The following SPAST variants were observed in gnomAD, a reference collection of about 807,000 sequenced individuals.
SPAST encodes spastic paraplegia 4 (autosomal dominant; spastin).
SPAST carries 30 observed loss-of-function variants against 76.6 expected under a neutral mutation model. That is an observed-to-expected ratio of 0.39 (90% CI 0.29 to 0.53). The LOEUF is 0.53. Ranked by LOEUF, SPAST falls within the 20% of genes least tolerant of loss-of-function variation. SPAST has a pLI of 0.68. For missense variants in SPAST, 717 were observed against 770.5 expected, an observed-to-expected ratio of 0.93 and a Z score of 0.82; for synonymous variants, 305 against 281.0, an observed-to-expected ratio of 1.09 and a Z score of -0.86.
chr2:32,077,751 A>C (rs1470872360), intron 1 of SPAST: 1 of 152,222 alleles, frequency 6.6e-6, no homozygotes. Flanking sequence ...TACAGTAGAT[A>C]ATTTGCAAGT....
intron 4 of SPAST, among the ~76,000 whole-genome samples, chr2:32,112,595 C>G (rs1314325223): frequency 6.6e-6 from 1 of 152,096 alleles, no homozygotes; most frequent in Non-Finnish European, 1.5e-5. Context: ...ATCCGCCCAC[C>G]TTGGCCTCCG....
At chr2:32,102,951 G>T (rs1354803429) in intron 4 of SPAST, among the ~76,000 whole-genome samples, 1 of 152,162 alleles carries the variant, frequency 6.6e-6, no homozygotes, top group Non-Finnish European at 1.5e-5. Flanking sequence ...TCTCTGCCAG[G>T]CTTTGGTATC....
intron 4 of SPAST, among the ~76,000 whole-genome samples, chr2:32,106,434 C>T (rs900671998): frequency 4.6e-5 from 7 of 152,208 alleles, no homozygotes; most frequent in African/African-American, 1.4e-4. Flanking sequence ...CCCCGCCCTT[C>T]AGCTCACACT....
chr2:32,132,872 A>G (rs1408004506), intron 9 of SPAST, among the ~76,000 whole-genome samples: 1 of 152,056 alleles, frequency 6.6e-6, no homozygotes, highest in Admixed American at 6.6e-5. Context: ...ACTAAATACT[A>G]AATCTCTACT....
At chr2:32,095,594 G>C (rs900989813) in intron 3 of SPAST, among the ~76,000 whole-genome samples, 1 of 151,522 alleles carries the variant, frequency 6.6e-6, no homozygotes, top group Non-Finnish European at 1.5e-5. Context: ...AAATAGCCAG[G>C]AGTGGTGATG....
In SPAST at chr2:32,097,394, G is replaced by A. The variant is rs1484714424; in HGVS notation, c.587-1402G>A. On this transcript the variant is annotated intron_variant, in intron 3 of 16. Transcript: ENST00000315285. Reference sequence around the variant, plus strand: ...GTGAAAAGCATCCATCCCATTCTATGCCCTGGCTACCCATTTCCCCTCCCT... The same window carrying A: ...GTGAAAAGCATCCATCCCATTCTATACCCTGGCTACCCATTTCCCCTCCCT... Among the ~76,000 whole-genome samples, 7 of 152,234 alleles carry A rather than the reference G, an allele frequency of 4.6e-5. No individual in the cohort carries two copies. In the East Asian group the frequency reaches 1.4e-3, roughly 29 times the overall value.
chr2:32,091,482 G>A (rs1677714933), intron 3 of SPAST, among the ~76,000 whole-genome samples: 1 of 148,460 alleles, frequency 6.7e-6, no homozygotes, highest in South Asian at 2.3e-4. Flanking sequence ...TCACCATGTT[G>A]GCCAGGCTGG....
chr2:32,134,276 G>T (rs1679463073), intron 9 of SPAST, among the ~76,000 whole-genome samples: 2 of 152,086 alleles, frequency 1.3e-5, no homozygotes, highest in African/African-American at 4.8e-5. Flanking sequence ...GCCGAGGCAG[G>T]CGAATCACAA....
intron 4 of SPAST, among the ~76,000 whole-genome samples, chr2:32,110,708 G>A (rs899342604): frequency 7.7e-6 from 1 of 130,014 alleles, no homozygotes; most frequent in Admixed American, 8.0e-5. Flanking sequence ...AGTGTACATA[G>A]TATACTATAT....
At chr2:32,079,343 C>A (rs1444563858) in intron 1 of SPAST, among the ~76,000 whole-genome samples, 1 of 151,506 alleles carries the variant, frequency 6.6e-6, no homozygotes, top group Admixed American at 6.6e-5. Context: ...TAGTGAGAGA[C>A]CCTGTCTTTA....
intron 1 of SPAST, among the ~76,000 whole-genome samples, chr2:32,078,673 A>C (rs1276531089): frequency 6.6e-6 from 1 of 152,196 alleles, no homozygotes; most frequent in Non-Finnish European, 1.5e-5. Flanking sequence ...AAAATAGTGC[A>C]CAAGTATAGA....
chr2:32,093,356 C>T (rs1288531055), intron 3 of SPAST, among the ~76,000 whole-genome samples: 3 of 150,922 alleles, frequency 2.0e-5, no homozygotes, highest in South Asian at 2.1e-4. Context: ...GTGGCGGGCA[C>T]CTCTAATCTC....
Position 32,128,486 on chromosome 2 carries a change from GCT to G in SPAST, c.1245+10_1245+11del, listed in dbSNP as rs755187805. The stretch of plus-strand genomic sequence containing the variant: ...AAGTTTAACTTCAAAATACGTGAGT[GCT>G]CTGTTTCCAATATTGTCGTATTTTA... On this transcript the variant is annotated splice_region_variant and intron_variant, in intron 9 of 16. Coordinates refer to ENST00000315285, the MANE Select transcript of SPAST (RefSeq NM_014946.4). 17 of 1,571,046 alleles carry G rather than the reference GCT, an allele frequency of 1.1e-5. No individual in the cohort carries two copies. In the Middle Eastern group the frequency reaches 8.4e-4, roughly 77 times the overall value.
At chr2:32,147,336 G>A (rs938044674) in intron 16 of SPAST, 78 bp downstream of exon 16, 2 of 518,968 alleles carry the variant, frequency 3.9e-6, no homozygotes, top group South Asian at 2.4e-5. Flanking sequence ...ATGAATGTGT[G>A]TGTGTGTGGT....
At chr2:32,086,705 C>T (rs1432909561) in intron 1 of SPAST, among the ~76,000 whole-genome samples, 2 of 151,648 alleles carry the variant, frequency 1.3e-5, no homozygotes, top group Non-Finnish European at 2.9e-5. Flanking sequence ...TTGCAATGAG[C>T]CGAGATTGCA....
chr2:32,104,708 T>C (rs1044200807), intron 4 of SPAST, among the ~76,000 whole-genome samples: 7 of 152,212 alleles, frequency 4.6e-5, no homozygotes, highest in African/African-American at 1.4e-4. Context: ...CCTTCACTTA[T>C]GAAGCTTAGT....
At chr2:32,081,781 CAAAAAAA>C (rs34078147) in intron 1 of SPAST, among the ~76,000 whole-genome samples, 37 of 44,388 alleles carry the variant, frequency 8.3e-4, no homozygotes, top group African/African-American at 2.4e-3. Context: ...GAGACACTGT[CAAAAAAA>C]AAAAAAAAAA....
At chr2:32,109,621 A>T (rs1417821699) in intron 4 of SPAST, among the ~76,000 whole-genome samples, 3 of 148,412 alleles carry the variant, frequency 2.0e-5, no homozygotes, top group Non-Finnish European at 3.0e-5. Context: ...ATAATCATTG[A>T]CTCCTTATGG....
chr2:32,108,831 T>A (rs1678424853), intron 4 of SPAST, among the ~76,000 whole-genome samples: 1 of 139,150 alleles, frequency 7.2e-6, no homozygotes, highest in Non-Finnish European at 1.5e-5. Context: ...AGTGGCGCGA[T>A]CTGGGCTCAC....
Sources: gnomAD v4.1 joint callset for allele counts (sites outside exome capture counted in the v4.1 genomes callset) on GRCh38, gnomAD v4.1.1 for gene constraint, MANE v1.5 for transcripts, NCBI Gene and HGNC (gene_info 2026-07-23, HGNC 2026-07-21) for gene names.